Variants in ARHGEF10 observed in about 807,000 individuals in gnomAD.
ARHGEF10 encodes Rho guanine nucleotide exchange factor 10.
A neutral mutation model predicts 147.4 loss-of-function variants in ARHGEF10; 140 were observed. The observed-to-expected ratio is 0.95, with a 90% confidence interval of 0.83 to 1.09. The LOEUF is 1.09. Ranked by LOEUF, ARHGEF10 falls within the 50% of genes least tolerant of loss-of-function variation. The pLI, the probability that ARHGEF10 is intolerant of heterozygous loss-of-function variation, is 0.00. For synonymous variants in ARHGEF10, 902 were observed against 695.8 expected (o/e 1.30, Z -4.67); for missense variants, 2,222 against 1,752.7 (o/e 1.27, Z -4.78).
At chr8:1,836,839 T>A (rs909663610) in intron 1 of ARHGEF10, among the ~76,000 whole-genome samples, 3 of 152,162 alleles carry the variant, frequency 2.0e-5, no homozygotes, top group African/African-American at 7.2e-5. Flanking sequence ...TCCCGTGATA[T>A]TCTCCTGATA....
At chr8:1,886,696 C>T (rs1447488318) in intron 11 of ARHGEF10, among the ~76,000 whole-genome samples, 4 of 152,156 alleles carry the variant, frequency 2.6e-5, no homozygotes, top group Non-Finnish European at 4.4e-5. Context: ...GGCCCCGTGC[C>T]CGGTCCCTGG....
At chr8:1,949,789 G>A (rs1193606554) in intron 27 of ARHGEF10, among the ~76,000 whole-genome samples, 1 of 152,106 alleles carries the variant, frequency 6.6e-6, no homozygotes, top group Non-Finnish European at 1.5e-5. Flanking sequence ...GGACTTGGGA[G>A]CCACAGCCTT....
chr8:1,881,514 GC>G (rs1389870642), intron 9 of ARHGEF10, among the ~76,000 whole-genome samples: 4 of 152,336 alleles, frequency 2.6e-5, no homozygotes, highest in African/African-American at 7.2e-5. Context: ...CAAGGAAATG[GC>G]AGCAGGACAT....
chr8:1,835,966 G>T (rs1436630207), intron 1 of ARHGEF10, among the ~76,000 whole-genome samples: 1 of 152,272 alleles, frequency 6.6e-6, no homozygotes, highest in East Asian at 1.9e-4. Context: ...CAGATCACGA[G>T]CTCAGGAGAT....
chr8:1,888,978 A>C lies in ARHGEF10; in HGVS notation c.1182+3271A>C, dbSNP rs1351329509. 3.3e-5 allele frequency among the ~76,000 whole-genome samples: 2 copies of C among 61,166 alleles called. 1 individual carries two copies. Among genetic ancestry groups the C allele is most frequent in the African/African-American group, 1.3e-4 (2 of 15,424 alleles). The allele number at this position is 61,166 out of a possible 152,430, so 40.1% of individuals were successfully genotyped here. A position where few individuals can be genotyped will look rare whatever the true frequency, so the allele number is the denominator to read the frequency against. On this transcript the variant is annotated intron_variant, in intron 11 of 28. Coordinates refer to ENST00000349830, the MANE Select transcript of ARHGEF10 (RefSeq NM_014629.4). ...TGGGGTGAGGGGTCTGCGAGGAGACACTGAGGTGTGAGGGGTCTACAAGGA... is the reference window on the plus strand; with the variant it reads ...TGGGGTGAGGGGTCTGCGAGGAGACCCTGAGGTGTGAGGGGTCTACAAGGA...
intron 2 of ARHGEF10, among the ~76,000 whole-genome samples, chr8:1,852,973 G>C (rs1408290277): frequency 6.6e-6 from 1 of 152,222 alleles, no homozygotes; most frequent in Non-Finnish European, 1.5e-5. Flanking sequence ...GTGCAGCTGT[G>C]GCCAGAGGGC....
intron 27 of ARHGEF10, among the ~76,000 whole-genome samples, chr8:1,951,598 A>G (rs1057050599): frequency 6.6e-6 from 1 of 152,174 alleles, no homozygotes; most frequent in Non-Finnish European, 1.5e-5. Flanking sequence ...TCAGAGATGA[A>G]CTTTGGGTCA....
intron 23 of ARHGEF10, chr8:1,927,629 T>TC (rs1326365670): frequency 6.6e-6 from 1 of 152,384 alleles, no homozygotes; most frequent in Non-Finnish European, 1.5e-5. Context: ...CTTTAGAAAT[T>TC]CCACGGCAGG....
Position 1,888,104 on chromosome 8 carries a change from T to C in ARHGEF10, c.1182+2397T>C, listed in dbSNP as rs1022814671. ...GAGACACTAGGTAGGGTGAATGTTTTGAGGAGACACTTAGTGGGGTGAGGG... is the reference window on the plus strand; with the variant it reads ...GAGACACTAGGTAGGGTGAATGTTTCGAGGAGACACTTAGTGGGGTGAGGG... On this transcript the variant is annotated intron_variant, in intron 11 of 28. Coordinates refer to ENST00000349830, the MANE Select transcript of ARHGEF10 (RefSeq NM_014629.4). Among the ~76,000 whole-genome samples, 18 of 125,138 alleles carry C rather than the reference T, an allele frequency of 1.4e-4. 1 individual carries two copies. Among genetic ancestry groups the C allele is most frequent in the Admixed American group, 4.7e-4 (6 of 12,828 alleles). 82.1% of individuals were successfully genotyped at this position (125,138 alleles called of 152,430 possible). A position where few individuals can be genotyped will look rare whatever the true frequency, so the allele number is the denominator to read the frequency against.
intron 1 of ARHGEF10, among the ~76,000 whole-genome samples, chr8:1,835,236 TGCCGGACAGG>T: frequency 6.6e-6 from 1 of 152,256 alleles, no homozygotes; most frequent in Non-Finnish European, 1.5e-5. Flanking sequence ...GAGGCCCGAG[TGCCGGACAGG>T]GCTGAGCAGT....
At chr8:1,828,016 A>G (rs1802870238) in intron 1 of ARHGEF10, among the ~76,000 whole-genome samples, 1 of 152,192 alleles carries the variant, frequency 6.6e-6, no homozygotes, top group Non-Finnish European at 1.5e-5. Context: ...CTAGGTTCCA[A>G]TATCTTAATG....
At chr8:1,875,976 G>C (rs950312854) in intron 7 of ARHGEF10, 2 of 157,110 alleles carry the variant, frequency 1.3e-5, no homozygotes, top group African/African-American at 4.8e-5. Flanking sequence ...AAAAGAGTTA[G>C]AGAGACACTC....
intron 26 of ARHGEF10, among the ~76,000 whole-genome samples, chr8:1,935,323 G>A (rs1424003252): frequency 6.6e-6 from 1 of 152,016 alleles, no homozygotes; most frequent in Non-Finnish European, 1.5e-5. Flanking sequence ...CATCACTCAG[G>A]GTCCACTGGG....
intron 16 of ARHGEF10, 51 bp downstream of exon 16, chr8:1,903,502 C>T (rs1266405439): frequency 6.2e-7 from 1 of 1,602,272 alleles, no homozygotes; most frequent in South Asian, 1.1e-5. Flanking sequence ...TTGCTTTGTG[C>T]TAATAAGCTG....
Position 1,945,637 on chromosome 8 carries a change from G to T in ARHGEF10, c.3379G>T (p.Val1127Phe), listed in dbSNP as rs201082852. ...GCAGGACATCAACATCGCCACCCCTGTTCACAACATGCTGCCAGGTAAGGG... is the reference window on the plus strand; with the variant it reads ...GCAGGACATCAACATCGCCACCCCTTTTCACAACATGCTGCCAGGTAAGGG... ...HLQDINIATP[V>F]HNMLPGHQRL... The change falls in exon 27 of 29, where the codon GTT becomes TTT. Residue 1127 changes from valine (V) to phenylalanine (F), a missense_variant. Coordinates refer to ENST00000349830, the MANE Select transcript of ARHGEF10 (RefSeq NM_014629.4). 9.9e-6 allele frequency: 16 copies of T among 1,614,196 alleles called. No individual in the cohort carries two copies. Among genetic ancestry groups the T allele is most frequent in the Non-Finnish European group, 1.3e-5 (15 of 1,180,008 alleles).
At chr8:1,896,884 A>G (rs970503530) in intron 14 of ARHGEF10, among the ~76,000 whole-genome samples, 1 of 152,206 alleles carries the variant, frequency 6.6e-6, no homozygotes, top group Non-Finnish European at 1.5e-5. Flanking sequence ...GTTCCTCCCA[A>G]TGCTGAGGAC....
At chr8:1,907,988 G>C (rs1222259152) in intron 17 of ARHGEF10, among the ~76,000 whole-genome samples, 3 of 152,144 alleles carry the variant, frequency 2.0e-5, no homozygotes, top group South Asian at 2.1e-4. Context: ...GGGCATTTCT[G>C]TTTTTCTAAA....
At chr8:1,856,955 C>G (rs1246798067) in intron 2 of ARHGEF10, among the ~76,000 whole-genome samples, 4 of 152,180 alleles carry the variant, frequency 2.6e-5, no homozygotes, top group Non-Finnish European at 4.4e-5. Context: ...AGGAGAAGCA[C>G]CTGTCTGCTC....
intron 21 of ARHGEF10, among the ~76,000 whole-genome samples, chr8:1,925,078 A>G (rs1461388777): frequency 1.3e-5 from 2 of 152,334 alleles, no homozygotes; most frequent in African/African-American, 4.8e-5. Flanking sequence ...AGATGGGGCC[A>G]GGCTGCCTTC....
Sources: gnomAD v4.1 joint callset for allele counts (sites outside exome capture counted in the v4.1 genomes callset) on GRCh38, gnomAD v4.1.1 for gene constraint, MANE v1.5 for transcripts, NCBI Gene and HGNC (gene_info 2026-07-23, HGNC 2026-07-21) for gene names.